SLIT1: variants seen among roughly 807,000 people sequenced by gnomAD.
SLIT1 encodes slit guidance ligand 1, also known as slit homolog 1 protein.
In SLIT1, 66 loss-of-function variants were observed where a neutral mutation model predicts 186.1. That is an observed-to-expected ratio of 0.35 (90% CI 0.29 to 0.44). SLIT1 has a LOEUF of 0.44. SLIT1 is among the 20% of genes least tolerant of loss of function. SLIT1 has a pLI of 1.00. For missense variants in SLIT1, 1,638 were observed against 2,037.4 expected, an observed-to-expected ratio of 0.80 and a Z score of 3.77; for synonymous variants, 761 against 833.8, an observed-to-expected ratio of 0.91 and a Z score of 1.50.
chr10:97,101,865 T>C (rs1158479648), intron 4 of SLIT1, among the ~76,000 whole-genome samples: 2 of 152,226 alleles, frequency 1.3e-5, no homozygotes, highest in Non-Finnish European at 2.9e-5. Flanking sequence ...CTGATCACTG[T>C]TGGGACTGGC....
chr10:97,076,903 G>C (rs1849051046), intron 4 of SLIT1, among the ~76,000 whole-genome samples: 1 of 152,262 alleles, frequency 6.6e-6, no homozygotes, highest in Admixed American at 6.5e-5. Context: ...GCAGTGAAGG[G>C]GGAGTGGGTC....
intron 4 of SLIT1, among the ~76,000 whole-genome samples, chr10:97,081,842 A>T (rs371471209): frequency 1.3e-5 from 2 of 152,164 alleles, no homozygotes; most frequent in African/African-American, 4.8e-5. Flanking sequence ...GTGGTCCTGA[A>T]TCCATCCGGC....
chr10:97,018,538 C>T, intron 28 of SLIT1, 48 bp downstream of exon 28: 1 of 1,221,556 alleles, frequency 8.2e-7, no homozygotes, highest in Non-Finnish European at 1.2e-6. Context: ...GGCACAGGTG[C>T]TGGGCCCATC....
At chr10:97,031,878 T>G (rs1354816885) in intron 23 of SLIT1, among the ~76,000 whole-genome samples, 1 of 152,246 alleles carries the variant, frequency 6.6e-6, no homozygotes, top group African/African-American at 2.4e-5. Context: ...TAATCCCTTC[T>G]GCCTCAATCA....
intron 4 of SLIT1, among the ~76,000 whole-genome samples, chr10:97,120,536 T>A (rs987992420): frequency 1.3e-5 from 2 of 152,178 alleles, no homozygotes; most frequent in Non-Finnish European, 1.5e-5. Flanking sequence ...GTTTCCTGAC[T>A]CGCAATGCTG....
At chr10:97,058,063 G>A (rs975483943) in intron 11 of SLIT1, 5 of 717,522 alleles carry the variant, frequency 7.0e-6, no homozygotes, top group East Asian at 2.7e-5. Context: ...AGTGGGAGCT[G>A]TGTGTGCCTG....
Position 97,011,097 on chromosome 10 carries a change from G to GTTCC in SLIT1, c.3236_3237insGGAA (p.Asn1079LysfsTer5), listed in dbSNP as rs1266785424. ...TGCAGTCATCCTGGTTCTCACTGCA[G>GTTCC]TTGTCACCTGCATAACCTGGCATGC... On this transcript the variant is annotated frameshift_variant, in exon 31 of 37. Coordinates refer to ENST00000266058, the MANE Select transcript of SLIT1 (RefSeq NM_003061.3). LOFTEE classifies it high-confidence loss of function. The GTTCC allele has an allele frequency of 1.2e-6, 2 of 1,613,820 alleles. No homozygotes were observed. The highest frequency in any genetic ancestry group is 1.7e-6 in the Non-Finnish European group (2 of 1,179,838).
chr10:97,138,391 G>A (rs897099822), intron 4 of SLIT1, among the ~76,000 whole-genome samples: 5 of 152,250 alleles, frequency 3.3e-5, no homozygotes, highest in South Asian at 4.1e-4. Flanking sequence ...GCTTATCAGC[G>A]AGGGATGCAC....
At position 97,001,086 on chromosome 10, in the gene SLIT1, C is replaced by T. The variant is rs377563565; in HGVS notation, c.*26G>A. The T allele has an allele frequency of 1.4e-5, 22 of 1,597,342 alleles. No homozygotes were observed. The highest frequency in any genetic ancestry group is 4.0e-5 in the African/African-American group (3 of 74,630). ...GCAGCGGCTGGGGCCCCTTGCCCGC[C>T]CTCACCGGCCTGTCCACGCCCAGCG... On this transcript the variant is annotated 3_prime_UTR_variant, in exon 37 of 37. Coordinates refer to ENST00000266058, the MANE Select transcript of SLIT1 (RefSeq NM_003061.3).
Position 97,161,236 on chromosome 10 carries a change from C to G in SLIT1, c.341+2144G>C, listed in dbSNP as rs191802099. On this transcript the variant is annotated intron_variant, in intron 3 of 36. Transcript: ENST00000266058. ...CTCCTTCCCAGCACAAGAGGTGGAG[C>G]CAGGTTGGGTCAGGTTCAAATCAGC... Among the ~76,000 whole-genome samples the G allele has an allele frequency of 1.6e-3, 244 of 152,278 alleles. 1 individual carries two copies. The highest frequency in any genetic ancestry group is 3.1e-3 in the Non-Finnish European group (209 of 68,018).
intron 13 of SLIT1, among the ~76,000 whole-genome samples, chr10:97,054,944 G>T (rs753095869): frequency 6.6e-6 from 1 of 152,328 alleles, no homozygotes; most frequent in South Asian, 2.1e-4. Context: ...CATTCCGGGC[G>T]TGGTGGCTAA....
chr10:97,002,090 AG>A, intron 36 of SLIT1, 67 bp downstream of exon 36: 1 of 1,030,560 alleles, frequency 9.7e-7, no homozygotes, highest in Non-Finnish European at 1.4e-6. Context: ...ACTGGGAGGA[AG>A]AGTCAAATTG....
At position 97,006,087 on chromosome 10, in the gene SLIT1, C is replaced by T. The variant is rs1848357442; in HGVS notation, c.3579+396G>A. Among the ~76,000 whole-genome samples the T allele has an allele frequency of 6.6e-6, 1 of 152,114 alleles. No homozygotes were observed. The highest frequency in any genetic ancestry group is 6.5e-5 in the Admixed American group (1 of 15,268). ...GGCATGAAAAGGATGAGTTAAGGGA[C>T]CCTAGGGACATTTGGTTAAAGGTAT... On this transcript the variant is annotated intron_variant, in intron 32 of 36. Coordinates refer to ENST00000266058, the MANE Select transcript of SLIT1 (RefSeq NM_003061.3). This position sits in a 1 kb window ranked among gnomAD's most constrained non-coding sequence, Gnocchi z 4.0.
In SLIT1 at chr10:97,014,143, G is replaced by A. The variant is rs138643548; in HGVS notation, c.2985C>T (p.Thr995=). 1.4e-5 allele frequency: 23 copies of A among 1,613,670 alleles called. No individual in the cohort carries two copies. The highest frequency in any genetic ancestry group is 6.7e-5 in the African/African-American group (5 of 74,934). ...EDAPFTCSCP[T]GFEGPTCGVN... ...CCCCACAGGTTGGTCCTTCAAAGCC[G>A]GTGGGACAGGAGCACCTGTGCGGGG... Residue 995 remains threonine, a synonymous_variant, in exon 29 of 37, where the codon ACC becomes ACT. Coordinates refer to ENST00000266058, the MANE Select transcript of SLIT1 (RefSeq NM_003061.3).
chr10:97,076,891 G>C (rs1269489037), intron 4 of SLIT1, among the ~76,000 whole-genome samples: 2 of 152,240 alleles, frequency 1.3e-5, no homozygotes, highest in African/African-American at 4.8e-5. Context: ...GACCACACTG[G>C]TGCAGTGAAG....
At chr10:97,151,285 G>T (rs1382502072) in intron 4 of SLIT1, among the ~76,000 whole-genome samples, 1 of 151,916 alleles carries the variant, frequency 6.6e-6, no homozygotes, top group Non-Finnish European at 1.5e-5. Flanking sequence ...CAGGGGTGGA[G>T]GAAGGTGGGG....
chr10:97,127,338 G>C (rs1222807912), intron 4 of SLIT1, among the ~76,000 whole-genome samples: 1 of 151,874 alleles, frequency 6.6e-6, no homozygotes, highest in Non-Finnish European at 1.5e-5. Flanking sequence ...TTTCTGTAAA[G>C]TATCCAAACC....
intron 4 of SLIT1, among the ~76,000 whole-genome samples, chr10:97,083,641 G>A (rs549901244): frequency 3.9e-5 from 6 of 152,242 alleles, no homozygotes; most frequent in Admixed American, 3.3e-4. Flanking sequence ...TTCCCTGAGC[G>A]GCCGTGCTGC....
In SLIT1 at chr10:97,068,640, C is replaced by G. The variant is rs557015958; in HGVS notation, c.414-2554G>C. On this transcript the variant is annotated intron_variant, in intron 4 of 36. Coordinates refer to ENST00000266058, the MANE Select transcript of SLIT1 (RefSeq NM_003061.3). The surrounding 1 kb of genome is among the most constrained non-coding windows in gnomAD (Gnocchi z 4.2). ...TCCAGAGCCGTCCCACCTGCTATCCCTGAGGCATCTCCCCTTCTTGTGGGG... is the reference window on the plus strand; with the variant it reads ...TCCAGAGCCGTCCCACCTGCTATCCGTGAGGCATCTCCCCTTCTTGTGGGG... 1.3e-5 allele frequency among the ~76,000 whole-genome samples: 2 copies of G among 152,220 alleles called. No individual in the cohort carries two copies. Among genetic ancestry groups the G allele is most frequent in the Non-Finnish European group, 2.9e-5 (2 of 68,020 alleles).
Sources: allele counts gnomAD v4.1 joint callset (sites outside exome capture counted in the v4.1 genomes callset), GRCh38; gene constraint gnomAD v4.1.1; non-coding constraint Gnocchi (gnomAD v3.1); transcripts MANE v1.5; gene names NCBI Gene and HGNC (gene_info 2026-07-23, HGNC 2026-07-21).